ATG16L2: variants seen among roughly 807,000 people sequenced by gnomAD.
ATG16L2 encodes the protein protein Atg16l2.
ATG16L2 carries 77 observed loss-of-function variants against 84.7 expected under a neutral mutation model. That is an observed-to-expected ratio of 0.91 (90% confidence interval 0.76 to 1.10). ATG16L2 has a LOEUF of 1.10. Ranked by LOEUF, ATG16L2 falls within the 50% of genes least tolerant of loss-of-function variation. The pLI is 0.00. For missense variants in ATG16L2, 782 were observed against 817.6 expected (o/e 0.96, Z 0.53); for synonymous variants, 361 against 342.8 (o/e 1.05, Z -0.59).
At chr11:72,823,618 T>C (rs1324785444) in intron 7 of ATG16L2, 2 of 428,498 alleles carry the variant, frequency 4.7e-6, no homozygotes, top group Non-Finnish European at 9.3e-6. Context: ...GAGATGCCAG[T>C]CCCCAAAGTC....
chr11:72,829,378 G>A lies in ATG16L2; in HGVS notation c.1848G>A (p.Val616=). The A allele has an allele frequency of 6.2e-7, 1 of 1,611,554 alleles. No individual in the cohort carries two copies. Among genetic ancestry groups the A allele is most frequent in the South Asian group, 1.1e-5 (1 of 90,994 alleles). ...MVSVDQGRKV[V]LWQ is the part of the protein sequence containing the mutation. The stretch of plus-strand genomic sequence containing the variant: ...GCGTGGACCAGGGCAGGAAGGTTGT[G>A]CTCTGGCAGTAGGGCCACGACCTGC... The change falls in exon 18 of 18, where the codon GTG becomes GTA. Residue 616 remains valine, a synonymous_variant. Coordinates refer to ENST00000321297, the MANE Select transcript of ATG16L2 (RefSeq NM_033388.2).
chr11:72,826,990 T>G, intron 13 of ATG16L2, 167 bp downstream of exon 13: 1 of 932,192 alleles, frequency 1.1e-6, no homozygotes. Context: ...CCCAGTGGTG[T>G]TTTCTGTCTG....
chr11:72,815,094 A>C (rs1203582725), intron 1 of ATG16L2, among the ~76,000 whole-genome samples: 1 of 152,186 alleles, frequency 6.6e-6, no homozygotes, highest in African/African-American at 2.4e-5. Context: ...CAGCCTACCC[A>C]GCCTGAGGGG....
At position 72,839,367 on chromosome 11, in the gene ATG16L2, T is replaced by G. The variant is rs570015619; in HGVS notation, c.*22-3250T>G. ...CAAAAGAGGAGTTTTTGGTGGATTT[T>G]AAGCAATATCAGATCTGCGAAAAGA... On this transcript the variant is annotated intron_variant, in intron 5 of 5. Coordinates refer to the ATG16L2 transcript ENST00000534905. 8.0e-4 allele frequency among the ~76,000 whole-genome samples: 122 copies of G among 152,326 alleles called. 1 individual carries two copies. The highest frequency in any genetic ancestry group is 6.0e-3 in the South Asian group (29 of 4,828).
chr11:72,817,258 C>T (rs985154883), intron 2 of ATG16L2, among the ~76,000 whole-genome samples: 3 of 150,718 alleles, frequency 2.0e-5, no homozygotes, highest in African/African-American at 4.9e-5. Flanking sequence ...TTTTTTGAGA[C>T]GGAGTCTGGC....
At chr11:72,830,854 T>C (rs1860592038), downstream of ATG16L2, among the ~76,000 whole-genome samples, 2 of 152,200 alleles carry the variant, frequency 1.3e-5, no homozygotes, top group African/African-American at 4.8e-5. Flanking sequence ...GGTCTCAAAC[T>C]CCTGTGCTCA....
chr11:72,814,912 G>A (rs987669387), intron 1 of ATG16L2, among the ~76,000 whole-genome samples: 3 of 152,218 alleles, frequency 2.0e-5, no homozygotes, highest in Non-Finnish European at 2.9e-5. Flanking sequence ...GGCTTGATCA[G>A]TGCACTTAGT....
intron 5 of ATG16L2, among the ~76,000 whole-genome samples, chr11:72,839,482 G>T (rs1034606217): frequency 2.0e-5 from 3 of 152,198 alleles, no homozygotes; most frequent in Non-Finnish European, 4.4e-5. Context: ...TCCTCTGAAT[G>T]AGAGTTGACA....
Position 72,826,756 on chromosome 11 carries a change from GAGGCACC to G in ATG16L2, c.1305_1311del (p.His435GlnfsTer2). The G allele has an allele frequency of 6.2e-7, 1 of 1,614,072 alleles. No homozygotes were observed. The highest frequency in any genetic ancestry group is 1.3e-5 in the African/African-American group (1 of 75,020). On this transcript the variant is annotated frameshift_variant, in exon 13 of 18. Transcript: ENST00000321297. LOFTEE classifies it high-confidence loss of function. ...TGACAGCTGCCAAATTCAAGCTAAC[GAGGCACC>G]AGGCAGTGACTGGGAGCCGCGACCG...
chr11:72,822,740 C>A lies in ATG16L2; in HGVS notation c.711-108C>A. The A allele has an allele frequency of 9.5e-7, 1 of 1,053,302 alleles. No homozygotes were observed. Among genetic ancestry groups the A allele is most frequent in the Non-Finnish European group, 1.4e-6 (1 of 724,538 alleles). 65.2% of individuals were successfully genotyped at this position (1,053,302 alleles called of 1,614,324 possible). ...CGTGACCGCTGCACGTGTACACCCA[C>A]ACAGAACCCTCATCACTGGGAATTC... On this transcript the variant is annotated intron_variant, in intron 6 of 17. Transcript: ENST00000321297. The surrounding 1 kb of genome is among the most constrained non-coding windows in gnomAD (Gnocchi z 4.2).
chr11:72,841,443 A>G (rs774789726), intron 5 of ATG16L2: 2 of 1,601,392 alleles, frequency 1.2e-6, no homozygotes, highest in Non-Finnish European at 1.7e-6. Flanking sequence ...CATGCCCAGG[A>G]GAACCCTTAC....
downstream of ATG16L2, among the ~76,000 whole-genome samples, chr11:72,833,203 C>T (rs1191660670): frequency 1.3e-5 from 2 of 152,184 alleles, no homozygotes; most frequent in Non-Finnish European, 2.9e-5. Flanking sequence ...TGGGGCAGCA[C>T]ATTTGCTGAA....
chr11:72,827,007 T>TAAA (rs1860402080), intron 13 of ATG16L2, 181 bp from the exon 14 acceptor site: 4 of 885,120 alleles, frequency 4.5e-6, no homozygotes, highest in Non-Finnish European at 6.8e-6. Flanking sequence ...TCTGGTTTCT[T>TAAA]GGTGACCTCA....
Position 72,826,236 on chromosome 11 carries a change from A to G in ATG16L2, c.1166A>G (p.Asp389Gly). ...GGCAGCATCACCAGTGTGGACTTTG[A>G]CCCCTCGGTGAGGAACTCTGCCCCA... is the stretch of plus-strand genomic sequence containing the variant. Reference protein sequence around the residue: ...AGGSITSVDFDPSGYQVLAAT... With the variant: ...AGGSITSVDFGPSGYQVLAAT... Residue 389 changes from aspartate to glycine, a missense_variant, in exon 11 of 18, where the codon GAC becomes GGC. Asp to Gly is a moderately conservative substitution (Grantham distance 94). Coordinates refer to ENST00000321297, the MANE Select transcript of ATG16L2 (RefSeq NM_033388.2). 1 of 1,613,458 alleles carries G rather than the reference A, an allele frequency of 6.2e-7. No individual in the cohort carries two copies. Among genetic ancestry groups the G allele is most frequent in the Non-Finnish European group, 8.5e-7 (1 of 1,179,810 alleles).
At chr11:72,815,538 G>C (rs995916925) in intron 1 of ATG16L2, among the ~76,000 whole-genome samples, 1 of 151,784 alleles carries the variant, frequency 6.6e-6, no homozygotes, top group South Asian at 2.1e-4. Context: ...AGGGAGCTGT[G>C]AGTCTGAGGG....
rs1283493830 is a variant in ATG16L2 at position 72,826,053 on chromosome 11, TC to T, written c.1103-119del. ...CAGAACAGACCCAGCGATTCTGTCT[TC>T]TAACCTGGGGATGTGTCGGGGGGTG... On this transcript the variant is annotated intron_variant, in intron 10 of 17. Coordinates refer to ENST00000321297, the MANE Select transcript of ATG16L2 (RefSeq NM_033388.2). 7.4e-6 allele frequency: 6 copies of T among 806,428 alleles called. No homozygotes were observed. In the Admixed American group the frequency reaches 1.2e-4, roughly 16 times the overall value. The allele number at this position is 806,428 out of a possible 1,614,324, so 50.0% of individuals were successfully genotyped here. A position where few individuals can be genotyped will look rare whatever the true frequency, so the allele number is the denominator to read the frequency against.
In ATG16L2 at chr11:72,839,216, G is replaced by T. The variant is rs538195524; in HGVS notation, c.*22-3401G>T. Among the ~76,000 whole-genome samples, 209 of 152,286 alleles carry T rather than the reference G, an allele frequency of 1.4e-3. 1 individual carries two copies. The highest frequency in any genetic ancestry group is 4.8e-3 in the African/African-American group (201 of 41,560). On this transcript the variant is annotated intron_variant, in intron 5 of 5. Transcript: ENST00000534905. Reference sequence around the variant, plus strand: ...AAATGAAACATTTCAGTGTGTCTTGGGTAGAGAGTTACAAAAGAGAAGGCT... The same window carrying T: ...AAATGAAACATTTCAGTGTGTCTTGTGTAGAGAGTTACAAAAGAGAAGGCT...
Position 72,822,167 on chromosome 11 carries a change from G to A in ATG16L2, c.516G>A (p.Ala172=), listed in dbSNP as rs1228841489. ...GGGCAGCCTACGAGGCGCTGCGCGC[G>A]CACGTCGGGCTCCGGGAGGCGGCAC... is the stretch of plus-strand genomic sequence containing the variant. ...VQRAAYEALR[A]HVGLREAALR... Residue 172 remains alanine, a synonymous_variant, in exon 5 of 18, where the codon GCG becomes GCA. Transcript: ENST00000321297. The surrounding 1 kb of genome is among the most constrained non-coding windows in gnomAD (Gnocchi z 4.2). 3 of 1,492,712 alleles carry A rather than the reference G, an allele frequency of 2.0e-6. No individual in the cohort carries two copies. The highest frequency in any genetic ancestry group is 2.4e-5 in the Admixed American group (1 of 42,526). The allele number at this position is 1,492,712 out of a possible 1,614,324, so 92.5% of individuals were successfully genotyped here.
In ATG16L2 at chr11:72,814,471, C is replaced by T. The variant is rs568739118; in HGVS notation, c.26C>T (p.Ala9Val). 2.0e-6 allele frequency: 3 copies of T among 1,515,060 alleles called. No individual in the cohort carries two copies. The highest frequency in any genetic ancestry group is 5.3e-5 in the East Asian group (2 of 37,890). The allele number at this position is 1,515,060 out of a possible 1,614,324, so 93.9% of individuals were successfully genotyped here. A position where few individuals can be genotyped will look rare whatever the true frequency, so the allele number is the denominator to read the frequency against. Residue 9 changes from alanine to valine, a missense_variant, in exon 1 of 18, where the codon GCC (alanine) becomes GTC (valine). Transcript: ENST00000321297. The part of the protein sequence containing the change: MAGPGVPG[A>V]PAARWKRHIV... ...ATGGCGGGGCCGGGCGTCCCCGGTG[C>T]CCCCGCAGCGCGCTGGAAACGCCAC...
Sources: allele counts gnomAD v4.1 joint callset (sites outside exome capture counted in the v4.1 genomes callset), GRCh38; gene constraint gnomAD v4.1.1; non-coding constraint Gnocchi (gnomAD v3.1); transcripts MANE v1.5; gene names NCBI Gene and HGNC (gene_info 2026-07-23, HGNC 2026-07-21).